N4BP2: variants seen among roughly 807,000 people sequenced by gnomAD.
N4BP2 encodes NEDD4 binding protein 2.
N4BP2 carries 91 observed loss-of-function variants against 152.8 expected under a neutral mutation model. The ratio of observed to expected loss-of-function variants is 0.60; its 90% CI spans 0.50 to 0.71. The LOEUF (loss-of-function observed/expected upper bound fraction) is 0.71, where lower values mean the gene tolerates loss of function less well. Among genes scored for constraint, N4BP2 ranks in the 30% least tolerant of loss-of-function variants. The pLI is 0.00. For synonymous variants in N4BP2, 646 were observed against 705.3 expected, an observed-to-expected ratio of 0.92 and a Z score of 1.33; for missense variants, 1,923 against 2,059.1, an observed-to-expected ratio of 0.93 and a Z score of 1.28.
intron 1 of N4BP2, among the ~76,000 whole-genome samples, chr4:40,062,300 G>A (rs1034824617): frequency 1.1e-4 from 16 of 151,790 alleles, no homozygotes; most frequent in Non-Finnish European, 2.2e-4. Flanking sequence ...GGATAGTCTC[G>A]ATCTCCTGAC....
intron 2 of N4BP2, among the ~76,000 whole-genome samples, chr4:40,096,284 T>C (rs140532800): frequency 2.6e-5 from 4 of 152,242 alleles, no homozygotes; most frequent in African/African-American, 7.2e-5. Context: ...TAAATGGTGT[T>C]GGGGCTCTGA....
chr4:40,068,812 AT>A (rs1288730903), intron 1 of N4BP2, among the ~76,000 whole-genome samples: 1 of 152,080 alleles, frequency 6.6e-6, no homozygotes, highest in Non-Finnish European at 1.5e-5. Context: ...CCTTCTCATA[AT>A]TTTTATCCTT....
At chr4:40,159,659 C>G (rs6839826), downstream of N4BP2, among the ~76,000 whole-genome samples, 46,440 of 152,034 alleles carry the variant, frequency 0.31, 7,224 homozygotes, top group South Asian at 0.47. Context: ...CATGTCATAT[C>G]TAGCTGCGAG....
intron 2 of N4BP2, among the ~76,000 whole-genome samples, chr4:40,095,184 A>G (rs922035321): frequency 2.6e-5 from 4 of 152,054 alleles, no homozygotes; most frequent in Admixed American, 2.6e-4. Flanking sequence ...CCCAGGTTCA[A>G]GCAATTCTGC....
intron 2 of N4BP2, among the ~76,000 whole-genome samples, chr4:40,088,658 G>A (rs972973182): frequency 1.3e-5 from 2 of 151,852 alleles, no homozygotes; most frequent in East Asian, 1.9e-4. Flanking sequence ...GCACCACTAC[G>A]CCTGGCTAAT....
intron 2 of N4BP2, among the ~76,000 whole-genome samples, chr4:40,085,295 C>T (rs1459485247): frequency 6.6e-6 from 1 of 152,158 alleles, no homozygotes; most frequent in African/African-American, 2.4e-5. Context: ...CTCAGCCTCC[C>T]AAAGTGCTGG....
chr4:40,070,836 T>C (rs1712092805), intron 1 of N4BP2, among the ~76,000 whole-genome samples: 1 of 152,028 alleles, frequency 6.6e-6, no homozygotes, highest in African/African-American at 2.4e-5. Flanking sequence ...TTCTTCTTTT[T>C]TTTTTTGAGA....
chr4:40,076,655 A>AT (rs1712770412), intron 2 of N4BP2, among the ~76,000 whole-genome samples: 2 of 151,866 alleles, frequency 1.3e-5, no homozygotes, highest in South Asian at 2.1e-4. Context: ...CGCCTGGCTA[A>AT]TTTTTTGTAT....
In N4BP2 at chr4:40,103,190, C is replaced by T. The variant is rs751975046; in HGVS notation, c.1345C>T (p.Pro449Ser). Residue 449 changes from proline (P) to serine (S), a missense_variant, in exon 4 of 18, where the codon CCG becomes TCG. Pro to Ser is a moderately conservative substitution (Grantham distance 74). Transcript: ENST00000261435. ...AGTTCTTGTTCTTCTCAGAGGTCTT[C>T]CGGGATCTGGAAAATCTTTTTTGGC... ...GLVLVLLRGLPGSGKSFLART... is the reference protein window; with the variant it reads ...GLVLVLLRGLSGSGKSFLART... 6.8e-6 allele frequency: 11 copies of T among 1,607,244 alleles called. No individual in the cohort carries two copies. In the South Asian group the frequency reaches 7.7e-5, roughly 11 times the overall value.
rs1721440261 is a variant in N4BP2 at position 40,154,515 on chromosome 4, T to A, written c.*278T>A. On this transcript the variant is annotated 3_prime_UTR_variant, in exon 18 of 18. Transcript: ENST00000261435. ...TACAGTTTTAAAGTTTAAAATGCTC[T>A]GATTGTTTCTCAGAAAAGGTTACCT... is the stretch of plus-strand genomic sequence containing the variant. 2 of 318,940 alleles carry A rather than the reference T, an allele frequency of 6.3e-6. No homozygotes were observed. Among genetic ancestry groups the A allele is most frequent in the South Asian group, 8.5e-5 (2 of 23,398 alleles). The allele number at this position is 318,940 out of a possible 1,614,324, so 19.8% of individuals were successfully genotyped here.
chr4:40,158,710 T>G (rs1679676519), downstream of N4BP2, among the ~76,000 whole-genome samples: 1 of 151,670 alleles, frequency 6.6e-6, no homozygotes, highest in African/African-American at 2.4e-5. Context: ...GAGGTGGAGG[T>G]TGCGATGAGG....
At chr4:40,069,066 G>A (rs188087650) in intron 1 of N4BP2, among the ~76,000 whole-genome samples, 1 of 150,580 alleles carries the variant, frequency 6.6e-6, no homozygotes, top group East Asian at 2.0e-4. Context: ...GTTGCAGTGA[G>A]CCGGGATCGC....
At chr4:40,057,365 C>T (rs1030552321) in intron 1 of N4BP2, among the ~76,000 whole-genome samples, 2 of 152,228 alleles carry the variant, frequency 1.3e-5, no homozygotes, top group Non-Finnish European at 2.9e-5. Context: ...CTCGACCCCC[C>T]GAGGTTTCCT....
At chr4:40,173,792 T>C in the N4BP2 span, among the ~76,000 whole-genome samples, 1 of 152,178 alleles carries the variant, frequency 6.6e-6, no homozygotes, top group East Asian at 1.9e-4. Flanking sequence ...AAACCAGTAT[T>C]TCCTTTTCTC....
At chr4:40,118,840 G>A (rs1262937187) in intron 8 of N4BP2, among the ~76,000 whole-genome samples, 2 of 152,148 alleles carry the variant, frequency 1.3e-5, no homozygotes, top group African/African-American at 2.4e-5. Flanking sequence ...GTTTAGCAAC[G>A]AAGACACATA....
rs182120701 is a variant in N4BP2 at position 40,139,242 on chromosome 4, T to A, written c.4785+2160T>A. 1.9e-3 allele frequency among the ~76,000 whole-genome samples: 289 copies of A among 152,260 alleles called. 2 individuals are homozygous for A. In the Middle Eastern group the frequency reaches 0.037, roughly 20 times the overall value. On this transcript the variant is annotated intron_variant, in intron 14 of 17. Coordinates refer to ENST00000261435, the MANE Select transcript of N4BP2 (RefSeq NM_018177.6). Reference sequence around the variant, plus strand: ...TTTCTGGTCTGGAATTATGTCCTTTTTAAAAGTTTATTTTTTGATATTACT... The same window carrying A: ...TTTCTGGTCTGGAATTATGTCCTTTATAAAAGTTTATTTTTTGATATTACT...
chr4:40,142,752 A>G lies in N4BP2; in HGVS notation c.4865A>G (p.Tyr1622Cys). ...QDFEYPDYDD[Y>C]RAEAFLHQQK... ...TTTGAGTACCCAGACTATGATGACT[A>G]CAGAGCAGAGGCTTTCCTTCACCAA... The change falls in exon 15 of 18, where the codon TAC becomes TGC. Residue 1622 changes from tyrosine to cysteine, a missense_variant. By Grantham distance (194) the Tyr-to-Cys change is radical (BLOSUM62 -2). Coordinates refer to ENST00000261435, the MANE Select transcript of N4BP2 (RefSeq NM_018177.6). The G allele has an allele frequency of 6.2e-7, 1 of 1,614,136 alleles. No individual in the cohort carries two copies. Among genetic ancestry groups the G allele is most frequent in the African/African-American group, 1.3e-5 (1 of 75,066 alleles).
chr4:40,147,440 A>G (rs1350202447), intron 16 of N4BP2, among the ~76,000 whole-genome samples: 1 of 152,032 alleles, frequency 6.6e-6, no homozygotes, highest in Non-Finnish European at 1.5e-5. Flanking sequence ...CACCTCCCAG[A>G]CGGGGTGGTG....
At chr4:40,186,096 A>G in the N4BP2 span, among the ~76,000 whole-genome samples, 1 of 152,184 alleles carries the variant, frequency 6.6e-6, no homozygotes, top group Non-Finnish European at 1.5e-5. Context: ...AAGTTAAGAC[A>G]GGCCTTTTAA....
Sources: allele counts gnomAD v4.1 joint callset (sites outside exome capture counted in the v4.1 genomes callset), GRCh38; gene constraint gnomAD v4.1.1; transcripts MANE v1.5; gene names NCBI Gene and HGNC (gene_info 2026-07-23, HGNC 2026-07-21).